Variants in PTPRT observed in about 807,000 individuals in gnomAD.
The protein encoded by PTPRT is protein tyrosine phosphatase receptor type T.
Under a neutral mutation model 176.8 loss-of-function variants are expected in PTPRT, and 56 were observed. That is an observed-to-expected ratio of 0.32 (90% CI 0.26 to 0.40). The LOEUF (loss-of-function observed/expected upper bound fraction) is 0.40, where lower values mean the gene tolerates loss of function less well. Among genes scored for constraint, PTPRT ranks in the 10% least tolerant of loss-of-function variants. The probability of loss-of-function intolerance (pLI) is 1.00; values close to 1 mark genes in which losing one functional copy is unlikely to be tolerated. For missense variants in PTPRT, 1,540 were observed against 1,908.2 expected (o/e 0.81, Z 3.60); for synonymous variants, 783 against 739.0 (o/e 1.06, Z -0.96).
chr20:42,615,261 C>G (rs1269478499), intron 7 of PTPRT, among the ~76,000 whole-genome samples: 5 of 135,942 alleles, frequency 3.7e-5, no homozygotes, highest in African/African-American at 9.7e-5. Context: ...ACAAAGGACA[C>G]GAACTCATCA....
At chr20:42,718,832 A>C (rs999596344) in intron 6 of PTPRT, among the ~76,000 whole-genome samples, 2 of 152,154 alleles carry the variant, frequency 1.3e-5, no homozygotes, top group East Asian at 1.9e-4. Context: ...CATTTTTATT[A>C]TTCTTCAAAA....
chr20:43,102,697 G>C (rs1362650605), intron 1 of PTPRT, among the ~76,000 whole-genome samples: 1 of 152,178 alleles, frequency 6.6e-6, no homozygotes, highest in Admixed American at 6.5e-5. Flanking sequence ...TACCTTGGTG[G>C]GCAATTATGA....
chr20:42,881,860 A>G (rs1244843419), intron 2 of PTPRT, among the ~76,000 whole-genome samples: 1 of 152,178 alleles, frequency 6.6e-6, no homozygotes, highest in Non-Finnish European at 1.5e-5. Flanking sequence ...GACCCGTGCC[A>G]AGAAAGAATC....
the PTPRT span, among the ~76,000 whole-genome samples, chr20:42,039,281 G>A: frequency 6.6e-6 from 1 of 152,284 alleles, no homozygotes; most frequent in East Asian, 1.9e-4. Flanking sequence ...ATATGCATAT[G>A]TGGTAAAATG....
chr20:42,903,731 G>A (rs907447165), intron 1 of PTPRT, among the ~76,000 whole-genome samples: 4 of 152,182 alleles, frequency 2.6e-5, no homozygotes, highest in African/African-American at 9.7e-5. Context: ...CCTCAACTAA[G>A]CTAAAGCTGA....
intron 9 of PTPRT, among the ~76,000 whole-genome samples, chr20:42,426,059 TG>T (rs2059160753): frequency 6.6e-6 from 1 of 152,130 alleles, no homozygotes. Context: ...AAGTTGTCTG[TG>T]TGTTTCATAG....
intron 7 of PTPRT, among the ~76,000 whole-genome samples, chr20:42,567,952 G>A (rs2073074478): frequency 1.3e-5 from 2 of 151,644 alleles, no homozygotes; most frequent in Admixed American, 6.6e-5. Flanking sequence ...GACATTATAG[G>A]TGTGGGTTTG....
chr20:42,832,835 G>T (rs2145698302), intron 2 of PTPRT, among the ~76,000 whole-genome samples: 1 of 149,954 alleles, frequency 6.7e-6, no homozygotes, highest in Non-Finnish European at 1.5e-5. Flanking sequence ...CAGGCTTGGT[G>T]CCTCACACAT....
chr20:42,221,531 CTT>C (rs35552146), intron 15 of PTPRT, among the ~76,000 whole-genome samples: 2 of 146,444 alleles, frequency 1.4e-5, no homozygotes, highest in Non-Finnish European at 1.5e-5. Context: ...GAAACTGCCA[CTT>C]TTTTTTTTTT....
At chr20:42,052,221 C>T in the PTPRT span, among the ~76,000 whole-genome samples, 2 of 152,160 alleles carry the variant, frequency 1.3e-5, no homozygotes, top group Non-Finnish European at 2.9e-5. Context: ...ACCCAGAAGA[C>T]CTGGAGACCC....
Position 42,420,377 on chromosome 20 carries a change from C to T in PTPRT, c.1560+27843G>A, listed in dbSNP as rs199801295. On this transcript the variant is annotated intron_variant, in intron 9 of 30. Coordinates refer to ENST00000373187, the MANE Select transcript of PTPRT (RefSeq NM_007050.6). ...TCTGAGCTCCGGTGCTTATTCTGGC[C>T]GTGCACCACTTCCTCAACCCCACAC... Among the ~76,000 whole-genome samples the T allele has an allele frequency of 3.3e-5, 5 of 152,044 alleles. No individual in the cohort carries two copies. The East Asian group carries it at 9.7e-4, about 29-fold the overall frequency.
At chr20:42,911,567 G>T (rs1978380070) in intron 1 of PTPRT, among the ~76,000 whole-genome samples, 2 of 151,852 alleles carry the variant, frequency 1.3e-5, no homozygotes, top group Admixed American at 1.3e-4. Context: ...CATTATCTAG[G>T]GGCATCCTCC....
intron 9 of PTPRT, among the ~76,000 whole-genome samples, chr20:42,363,285 TATATATATATATA>T (rs1268333909): frequency 9.7e-4 from 16 of 16,516 alleles, no homozygotes; most frequent in Admixed American, 1.3e-3. Flanking sequence ...TATATATATA[TATATATATATATA>T]TATTTTTTTT....
At chr20:43,044,331 G>A (rs942155871) in intron 1 of PTPRT, among the ~76,000 whole-genome samples, 1 of 152,098 alleles carries the variant, frequency 6.6e-6, no homozygotes, top group Non-Finnish European at 1.5e-5. Flanking sequence ...TGGAAGGCTG[G>A]TGGTGATAGT....
chr20:42,712,891 T>A (rs6030431), intron 6 of PTPRT, among the ~76,000 whole-genome samples: 1 of 152,078 alleles, frequency 6.6e-6, no homozygotes, highest in South Asian at 2.1e-4. Context: ...TGCCCACCTA[T>A]AGAACCCAAG....
chr20:42,711,252 A>G (rs1329612407), intron 6 of PTPRT, among the ~76,000 whole-genome samples: 1 of 152,122 alleles, frequency 6.6e-6, no homozygotes, highest in Admixed American at 6.5e-5. Flanking sequence ...GAAGGACATG[A>G]TATTTGGGGT....
intron 7 of PTPRT, among the ~76,000 whole-genome samples, chr20:42,540,279 C>A (rs1847678345): frequency 6.6e-6 from 1 of 152,082 alleles, no homozygotes; most frequent in Admixed American, 6.6e-5. Flanking sequence ...TATTTCCAGT[C>A]AAATTCTTCC....
intron 1 of PTPRT, among the ~76,000 whole-genome samples, chr20:43,020,164 TTG>T (rs1187115167): frequency 5.4e-4 from 79 of 145,808 alleles, no homozygotes; most frequent in African/African-American, 1.9e-3. Flanking sequence ...GCATGTGTGT[TTG>T]TCTCTATATA....
chr20:42,475,962 A>C (rs1338908487), intron 7 of PTPRT, among the ~76,000 whole-genome samples: 2 of 152,148 alleles, frequency 1.3e-5, no homozygotes, highest in African/African-American at 2.4e-5. Context: ...CCCCGGGTAC[A>C]GTGCTGCTGA....
Sources: gnomAD v4.1 joint callset for allele counts (sites outside exome capture counted in the v4.1 genomes callset) on GRCh38, gnomAD v4.1.1 for gene constraint, MANE v1.5 for transcripts, NCBI Gene and HGNC (gene_info 2026-07-23, HGNC 2026-07-21) for gene names.